The following STARD13 variants were observed in gnomAD, a reference collection of about 807,000 sequenced individuals.
STARD13 encodes the protein StAR related lipid transfer domain containing 13.
STARD13 carries 62 observed loss-of-function variants against 106.4 expected under a neutral mutation model. The ratio of observed to expected loss-of-function variants is 0.58; its 90% CI spans 0.48 to 0.72. The LOEUF (loss-of-function observed/expected upper bound fraction) is 0.72, where lower values mean the gene tolerates loss of function less well. Ranked by LOEUF, STARD13 falls within the 30% of genes least tolerant of loss-of-function variation. The pLI, the probability that STARD13 is intolerant of heterozygous loss-of-function variation, is 0.00. For missense variants in STARD13, 1,387 were observed against 1,424.0 expected (o/e 0.97, Z 0.42); for synonymous variants, 565 against 553.0 (o/e 1.02, Z -0.31).
At chr13:33,213,658 C>T (rs574096633) in intron 1 of STARD13, among the ~76,000 whole-genome samples, 1 of 152,352 alleles carries the variant, frequency 6.6e-6, no homozygotes, top group African/African-American at 2.4e-5. Context: ...AAGCCAATTT[C>T]ATGCATTGTG....
At chr13:33,222,961 C>T (rs532600441) in intron 1 of STARD13, among the ~76,000 whole-genome samples, 45 of 152,296 alleles carry the variant, frequency 3.0e-4, no homozygotes, top group African/African-American at 9.9e-4. Context: ...CTGTGAAGTG[C>T]TGATAAATTA....
the STARD13 span, among the ~76,000 whole-genome samples, chr13:33,573,350 CCTAT>C: frequency 6.6e-6 from 1 of 152,156 alleles, no homozygotes; most frequent in African/African-American, 2.4e-5. Flanking sequence ...TACATACCAA[CCTAT>C]CTATTTAAAG....
chr13:33,306,761 C>T (rs1265564567), intron 1 of STARD13, among the ~76,000 whole-genome samples: 1 of 152,108 alleles, frequency 6.6e-6, no homozygotes, highest in East Asian at 1.9e-4. Flanking sequence ...ACCAGCCTGG[C>T]CAACATGGTG....
intron 1 of STARD13, among the ~76,000 whole-genome samples, chr13:33,266,431 TAAA>T (rs2138342584): frequency 6.6e-6 from 1 of 152,356 alleles, no homozygotes; most frequent in South Asian, 2.1e-4. Context: ...CTGCTCTACT[TAAA>T]AGCCCTCAGG....
chr13:33,161,274 C>G (rs917364467), intron 3 of STARD13, among the ~76,000 whole-genome samples: 1 of 150,718 alleles, frequency 6.6e-6, no homozygotes, highest in Admixed American at 6.6e-5. Context: ...AAGCTGCTAA[C>G]AAGAGGAATA....
chr13:33,628,487 A>T, the STARD13 span, among the ~76,000 whole-genome samples: 1 of 152,232 alleles, frequency 6.6e-6, no homozygotes, highest in Non-Finnish European at 1.5e-5. Context: ...AATAGGCATT[A>T]AAGTAACTAG....
chr13:33,161,684 T>A (rs913514678), intron 3 of STARD13, among the ~76,000 whole-genome samples: 3 of 152,172 alleles, frequency 2.0e-5, no homozygotes, highest in African/African-American at 7.2e-5. Flanking sequence ...AAAGACCTAT[T>A]CACTGAAAAT....
the STARD13 span, among the ~76,000 whole-genome samples, chr13:33,429,755 A>G: frequency 6.6e-6 from 1 of 152,172 alleles, no homozygotes; most frequent in Non-Finnish European, 1.5e-5. Context: ...AAGGATGGTT[A>G]CCGGAGGCTG....
At position 33,109,961 on chromosome 13, in the gene STARD13, C is replaced by T. The variant is rs775723520; in HGVS notation, c.2959G>A (p.Val987Met). The change falls in exon 12 of 14, where the codon GTG (valine) becomes ATG (methionine). Residue 987 changes from valine to methionine, a missense_variant. Transcript: ENST00000336934. ...TCTGTTTGCCTGTCTAGAGTTTCCA[C>T]AACCTTCCACTGCACAAAGTCCTCG... Reference protein sequence around the residue: ...WDEDFVQWKVVETLDRQTEIY... With the variant: ...WDEDFVQWKVMETLDRQTEIY... 8.7e-6 allele frequency: 14 copies of T among 1,614,204 alleles called. No individual in the cohort carries two copies. The South Asian group carries it at 1.5e-4, about 18-fold the overall frequency.
At chr13:33,182,339 G>A (rs1392647740) in intron 1 of STARD13, among the ~76,000 whole-genome samples, 1 of 152,168 alleles carries the variant, frequency 6.6e-6, no homozygotes, top group African/African-American at 2.4e-5. Context: ...AGTTCTATGA[G>A]TCTGACACTT....
chr13:33,484,026 A>T, the STARD13 span, among the ~76,000 whole-genome samples: 1 of 152,228 alleles, frequency 6.6e-6, no homozygotes. Context: ...TGGGTTCAAT[A>T]ACTTGCATAA....
chr13:33,466,561 A>T, the STARD13 span, among the ~76,000 whole-genome samples: 1 of 152,202 alleles, frequency 6.6e-6, no homozygotes, highest in Non-Finnish European at 1.5e-5. Flanking sequence ...CAGTAATTAG[A>T]AAGTATTTCA....
the STARD13 span, among the ~76,000 whole-genome samples, chr13:33,665,063 A>C: frequency 6.6e-6 from 1 of 152,206 alleles, no homozygotes; most frequent in African/African-American, 2.4e-5. Context: ...GGAAGTGGAG[A>C]CCCTGTTACT....
At chr13:33,376,085 TA>T in the STARD13 span, among the ~76,000 whole-genome samples, 2 of 152,126 alleles carry the variant, frequency 1.3e-5, no homozygotes, top group African/African-American at 4.8e-5. Context: ...CCATATTACT[TA>T]AACCATATTA....
chr13:33,390,372 T>C, the STARD13 span, among the ~76,000 whole-genome samples: 3 of 152,144 alleles, frequency 2.0e-5, no homozygotes, highest in Non-Finnish European at 4.4e-5. Flanking sequence ...GGTGTTTTAA[T>C]AGAACTTGAG....
At chr13:33,367,132 G>T in the STARD13 span, among the ~76,000 whole-genome samples, 1 of 152,192 alleles carries the variant, frequency 6.6e-6, no homozygotes, top group South Asian at 2.1e-4. Flanking sequence ...TGCCGCTATG[G>T]AGATAATATA....
upstream of STARD13, among the ~76,000 whole-genome samples, chr13:33,290,719 G>A (rs2138431651): frequency 2.0e-5 from 3 of 152,354 alleles, no homozygotes; most frequent in Middle Eastern, 0.01. Flanking sequence ...CATTCCCTGG[G>A]GATGCAACCA....
intron 3 of STARD13, among the ~76,000 whole-genome samples, chr13:33,155,889 G>C (rs779468020): frequency 5.3e-5 from 8 of 152,184 alleles, no homozygotes; most frequent in Non-Finnish European, 1.0e-4. Context: ...GTTACAACAG[G>C]CTGTACCAAT....
intron 1 of STARD13, among the ~76,000 whole-genome samples, chr13:33,176,431 G>A (rs1004686720): frequency 2.0e-5 from 3 of 152,112 alleles, no homozygotes; most frequent in Non-Finnish European, 4.4e-5. Flanking sequence ...CTCATTCCAG[G>A]AATAAAGATT....
Sources: allele counts gnomAD v4.1 joint callset (sites outside exome capture counted in the v4.1 genomes callset), GRCh38; gene constraint gnomAD v4.1.1; transcripts MANE v1.5; gene names NCBI Gene and HGNC (gene_info 2026-07-23, HGNC 2026-07-21).